CACNA1E: variants seen among roughly 807,000 people sequenced by gnomAD.
The protein encoded by CACNA1E is calcium voltage-gated channel subunit alpha1 E, also known as voltage-dependent R-type calcium channel subunit alpha-1E.
Under a neutral mutation model 259.2 loss-of-function variants are expected in CACNA1E, and 40 were observed. The observed-to-expected ratio is 0.15, with a 90% CI of 0.12 to 0.20. The LOEUF is 0.20. Ranked by LOEUF, CACNA1E falls within the 10% of genes least tolerant of loss-of-function variation. CACNA1E has a pLI of 1.00. For missense variants in CACNA1E, 1,874 were observed against 3,040.1 expected, an observed-to-expected ratio of 0.62 and a Z score of 9.02; for synonymous variants, 1,104 against 1,138.5, an observed-to-expected ratio of 0.97 and a Z score of 0.61.
chr1:181,555,444 GA>G (rs1558122337), intron 3 of CACNA1E, among the ~76,000 whole-genome samples: 1 of 152,222 alleles, frequency 6.6e-6, no homozygotes, highest in Non-Finnish European at 1.5e-5. Context: ...CATATACATA[GA>G]GTTCTGTTTT....
At chr1:181,595,800 C>T (rs1558165830) in intron 6 of CACNA1E, among the ~76,000 whole-genome samples, 1 of 152,144 alleles carries the variant, frequency 6.6e-6, no homozygotes, top group Non-Finnish European at 1.5e-5. Context: ...CTCAGTCCAC[C>T]CAGGAACACT....
chr1:181,789,788 G>A (rs1374536432), intron 43 of CACNA1E, among the ~76,000 whole-genome samples: 3 of 152,178 alleles, frequency 2.0e-5, no homozygotes, highest in Non-Finnish European at 2.9e-5. Flanking sequence ...TCCCTTGGAG[G>A]CCTCTAAACA....
chr1:181,702,632 T>C (rs776436848), intron 7 of CACNA1E, among the ~76,000 whole-genome samples: 16 of 152,200 alleles, frequency 1.1e-4, no homozygotes, highest in Non-Finnish European at 2.1e-4. Flanking sequence ...TCTAGTCACA[T>C]TGGCTCTTTT....
Position 181,757,974 on chromosome 1 carries a change from G to A in CACNA1E, c.4357G>A (p.Ala1453Thr), listed in dbSNP as rs373070905. 1.4e-5 allele frequency: 22 copies of A among 1,613,854 alleles called. No individual in the cohort carries two copies. Among genetic ancestry groups the A allele is most frequent in the South Asian group, 3.3e-5 (3 of 91,082 alleles). The change falls in exon 31 of 48, where the codon GCC becomes ACC. Residue 1453 changes from alanine (A) to threonine (T), a missense_variant. Transcript: ENST00000367573. Reference sequence around the variant, plus strand: ...GGCGTGCATCGACTTCGCCATCAGCGCCAAACCTCTCACCCGCTACATGCC... The same window carrying A: ...GGCGTGCATCGACTTCGCCATCAGCACCAAACCTCTCACCCGCTACATGCC... ...ERACIDFAIS[A>T]KPLTRYMPQN...
At chr1:181,398,023 G>A (rs894203776) in intron 1 of CACNA1E, among the ~76,000 whole-genome samples, 2 of 152,238 alleles carry the variant, frequency 1.3e-5, no homozygotes, top group African/African-American at 4.8e-5. Flanking sequence ...ACCTTATTAA[G>A]CTAGTGTCTG....
intron 1 of CACNA1E, among the ~76,000 whole-genome samples, chr1:181,365,143 A>G (rs140412964): frequency 1.3e-3 from 204 of 152,300 alleles, no homozygotes; most frequent in African/African-American, 4.8e-3. Flanking sequence ...ACAGCCTGCT[A>G]TCAGGATGGC....
At chr1:181,574,792 C>T (rs144266154) in intron 3 of CACNA1E, among the ~76,000 whole-genome samples, 1,587 of 152,084 alleles carry the variant, frequency 0.01, 28 homozygotes, top group African/African-American at 0.036. Flanking sequence ...TTTGGGAGGC[C>T]GAGGCAGGCG....
chr1:181,338,367 G>A (rs1468138273), intron 1 of CACNA1E, among the ~76,000 whole-genome samples: 1 of 152,168 alleles, frequency 6.6e-6, no homozygotes, highest in East Asian at 1.9e-4. Context: ...TTACAGGAGT[G>A]AGCCACAGCA....
At chr1:181,655,731 T>G (rs1659156017) in intron 7 of CACNA1E, among the ~76,000 whole-genome samples, 1 of 151,972 alleles carries the variant, frequency 6.6e-6, no homozygotes, top group Non-Finnish European at 1.5e-5. Flanking sequence ...GCCTAGAGAG[T>G]ATCAAGCAGT....
chr1:181,626,645 A>G (rs1299096109), intron 6 of CACNA1E, among the ~76,000 whole-genome samples: 1 of 152,258 alleles, frequency 6.6e-6, no homozygotes, highest in Non-Finnish European at 1.5e-5. Context: ...ATTGTTAGTC[A>G]TGTCAGCAAA....
intron 2 of CACNA1E, among the ~76,000 whole-genome samples, chr1:181,423,682 G>A (rs1377465846): frequency 1.2e-5 from 1 of 86,298 alleles, no homozygotes; most frequent in Non-Finnish European, 2.3e-5. Flanking sequence ...TTTTTTTGCT[G>A]GCCTTTTGAA....
intron 3 of CACNA1E, among the ~76,000 whole-genome samples, chr1:181,564,445 T>C (rs771576704): frequency 2.6e-5 from 4 of 152,216 alleles, no homozygotes; most frequent in Non-Finnish European, 5.9e-5. Context: ...AGCAATTCAG[T>C]CACATCTTCA....
intron 2 of CACNA1E, among the ~76,000 whole-genome samples, chr1:181,469,266 T>C (rs1662344443): frequency 6.6e-6 from 1 of 151,984 alleles, no homozygotes; most frequent in Non-Finnish European, 1.5e-5. Context: ...GTGGTGCAAA[T>C]GGCAAGGACA....
Position 181,537,101 on chromosome 1 carries a change from T to C in CACNA1E, c.512+25591T>C, listed in dbSNP as rs867295169. Reference sequence around the variant, plus strand: ...CGTGGTTTCTTTTTCTTTTCTTTTTTTTTTTTTTTTTTTTTGAGATGGAGT... The same window carrying C: ...CGTGGTTTCTTTTTCTTTTCTTTTTCTTTTTTTTTTTTTTTGAGATGGAGT... On this transcript the variant is annotated intron_variant, in intron 3 of 47. Transcript: ENST00000367573. Among the ~76,000 whole-genome samples, 25 of 122,182 alleles carry C rather than the reference T, an allele frequency of 2.0e-4. No homozygotes were observed. The South Asian group carries it at 3.9e-3, about 19-fold the overall frequency. The allele number at this position is 122,182 out of a possible 152,430, so 80.2% of individuals were successfully genotyped here.
intron 3 of CACNA1E, among the ~76,000 whole-genome samples, chr1:181,548,427 C>T (rs1228056585): frequency 6.6e-6 from 1 of 152,098 alleles, no homozygotes; most frequent in Non-Finnish European, 1.5e-5. Flanking sequence ...TGCCCAGCCT[C>T]CATAACACTT....
At chr1:181,508,374 C>T (rs1362737852) in intron 1 of CACNA1E, among the ~76,000 whole-genome samples, 1 of 152,196 alleles carries the variant, frequency 6.6e-6, no homozygotes, top group Non-Finnish European at 1.5e-5. Flanking sequence ...TTGTCAGTGA[C>T]TTGTATGCGT....
At chr1:181,750,611 C>T in intron 26 of CACNA1E, 124 bp downstream of exon 26, 1 of 859,646 alleles carries the variant, frequency 1.2e-6, no homozygotes. Flanking sequence ...TTATTTATAT[C>T]CAAGGGATCA....
At chr1:181,335,018 C>T (rs1480309585) in intron 1 of CACNA1E, among the ~76,000 whole-genome samples, 4 of 152,210 alleles carry the variant, frequency 2.6e-5, no homozygotes, top group South Asian at 2.1e-4. Flanking sequence ...GGGCACACTT[C>T]GCCTCTGGCC....
chr1:181,600,601 G>A (rs1470056051), intron 6 of CACNA1E, among the ~76,000 whole-genome samples: 1 of 152,034 alleles, frequency 6.6e-6, no homozygotes, highest in Non-Finnish European at 1.5e-5. Context: ...GATCAAGGAG[G>A]GCTCTTCAGC....
Sources: gnomAD v4.1 joint callset for allele counts (sites outside exome capture counted in the v4.1 genomes callset) on GRCh38, gnomAD v4.1.1 for gene constraint, MANE v1.5 for transcripts, NCBI Gene and HGNC (gene_info 2026-07-23, HGNC 2026-07-21) for gene names.